Variants in PAX6 observed in about 807,000 individuals in gnomAD.
The protein encoded by PAX6 is paired box 6.
In PAX6, 7 loss-of-function variants were observed where a neutral mutation model predicts 60.7. The observed-to-expected ratio is 0.12, with a 90% confidence interval of 0.07 to 0.22. The LOEUF (loss-of-function observed/expected upper bound fraction) is 0.22. PAX6 is among the 10% of genes least tolerant of loss of function. The pLI, the probability that PAX6 is intolerant of heterozygous loss-of-function variation, is 1.00. For missense variants in PAX6, 355 were observed against 555.2 expected (o/e 0.64, Z 3.62); for synonymous variants, 208 against 201.2 (o/e 1.03, Z -0.29).
rs749305106 is a variant in PAX6, at chr11:31,789,823, G to A, written c.*111C>T. 6.8e-5 allele frequency: 64 copies of A among 937,066 alleles called. 1 individual carries two copies. Among genetic ancestry groups the A allele is most frequent in the Non-Finnish European group, 9.5e-5 (56 of 588,296 alleles). The allele number at this position is 937,066 out of a possible 1,614,324, so 58.0% of individuals were successfully genotyped here. A position where few individuals can be genotyped will look rare whatever the true frequency, so the allele number is the denominator to read the frequency against. On this transcript the variant is annotated 3_prime_UTR_variant, in exon 14 of 14. Transcript: ENST00000640368. ...CAGGACACAATTGTAGAACTGAAGC[G>A]GCTCTAACAGCCATTTTTCTTTCTT...
chr11:31,807,910 A>G (rs747280506), intron 2 of PAX6: 18 of 131,144 alleles, frequency 1.4e-4, no homozygotes, highest in Admixed American at 2.9e-4. Context: ...TTCCCAAAGG[A>G]AAAAAAAAAA....
At chr11:31,790,113 A>AAC (rs1592354691) in intron 13 of PAX6, 94 bp from the exon 14 acceptor site, 1 of 793,464 alleles carries the variant, frequency 1.3e-6, no homozygotes, top group African/African-American at 1.8e-5. Flanking sequence ...AAAAAAAAAA[A>AAC]AAAAAAACTA....
intron 9 of PAX6, 169 bp downstream of exon 9, chr11:31,794,461 C>CTGA: frequency 3.0e-6 from 1 of 336,530 alleles, no homozygotes; most frequent in Non-Finnish European, 5.5e-6. Flanking sequence ...CACACACACA[C>CTGA]ACACACACAC....
intron 1 of PAX6, among the ~76,000 whole-genome samples, chr11:31,816,879 T>C (rs542699892): frequency 9.2e-5 from 14 of 152,350 alleles, no homozygotes; most frequent in African/African-American, 3.1e-4. Flanking sequence ...GGTTCTTGGG[T>C]GCCCCGCCTA....
At chr11:31,790,258 A>T in intron 13 of PAX6, 1 of 531,570 alleles carries the variant, frequency 1.9e-6, no homozygotes, top group Admixed American at 4.2e-5. Flanking sequence ...TCCAAAGGAA[A>T]AGAAAAAAAA....
rs1392941921 is a variant in PAX6 at position 31,790,321 on chromosome 11, A to G, written c.1226-302T>C. On this transcript the variant is annotated intron_variant, in intron 13 of 13. Coordinates refer to ENST00000640368, the MANE Select transcript of PAX6 (RefSeq NM_001368894.2). The stretch of plus-strand genomic sequence containing the variant: ...ACTTTTACAATAAAGCTGTCTCTGG[A>G]AAACCAATGTGTCACTTTTTATTTC... 8.8e-6 allele frequency: 6 copies of G among 681,462 alleles called. No individual in the cohort carries two copies. In the East Asian group the frequency reaches 2.2e-4, roughly 25 times the overall value. The allele number at this position is 681,462 out of a possible 1,614,324, so 42.2% of individuals were successfully genotyped here. A position where few individuals can be genotyped will look rare whatever the true frequency, so the allele number is the denominator to read the frequency against.
At chr11:31,795,032 A>G (rs1234217492) in intron 8 of PAX6, among the ~76,000 whole-genome samples, 1 of 152,228 alleles carries the variant, frequency 6.6e-6, no homozygotes, top group East Asian at 1.9e-4. Context: ...CATTTCTTGA[A>G]TGAAAAAATA....
upstream of PAX6, chr11:31,814,190 C>G (rs987458406): frequency 4.1e-4 from 62 of 152,290 alleles, no homozygotes; most frequent in African/African-American, 1.5e-3. Flanking sequence ...GGTGCGTTCC[C>G]GCGGGGGCCG....
chr11:31,816,365 A>G, intron 1 of PAX6: 1 of 582,252 alleles, frequency 1.7e-6, no homozygotes, highest in Middle Eastern at 4.5e-4. Flanking sequence ...CACGAAGGGC[A>G]CGGGCATGAG....
In PAX6 at chr11:31,790,054, T is replaced by G. The variant is rs766789287; in HGVS notation, c.1226-35A>C. Reference sequence around the variant, plus strand: ...GATGAAAGAAATAGCCATGTAGATATTCCCTTTGAGAAACAGACATGGAAT... The same window carrying G: ...GATGAAAGAAATAGCCATGTAGATAGTCCCTTTGAGAAACAGACATGGAAT... On this transcript the variant is annotated intron_variant, in intron 13 of 13. Transcript: ENST00000640368. 7.9e-6 allele frequency: 9 copies of G among 1,132,100 alleles called. No individual in the cohort carries two copies. The East Asian group carries it at 1.6e-4, about 20-fold the overall frequency. 70.1% of individuals were successfully genotyped at this position (1,132,100 alleles called of 1,614,324 possible).
At chr11:31,802,682 G>T (rs765921066) in intron 5 of PAX6, 22 bp downstream of exon 5, 1 of 1,604,740 alleles carries the variant, frequency 6.2e-7, no homozygotes, top group South Asian at 1.1e-5. Flanking sequence ...GGCGGCGAGT[G>T]GGGCGGCGCC....
chr11:31,816,856 A>G (rs972370801), intron 1 of PAX6, among the ~76,000 whole-genome samples: 38 of 152,332 alleles, frequency 2.5e-4, no homozygotes, highest in African/African-American at 9.1e-4. Context: ...GGCCGCCCCA[A>G]ACTCCCGGGC....
At chr11:31,795,259 C>G (rs1022019893) in intron 8 of PAX6, among the ~76,000 whole-genome samples, 7 of 152,186 alleles carry the variant, frequency 4.6e-5, no homozygotes, top group Non-Finnish European at 1.0e-4. Flanking sequence ...CCAAACCAAG[C>G]TTGTAATCTT....
At chr11:31,791,867 G>A (rs1388361239) in intron 12 of PAX6, 2 of 152,188 alleles carry the variant, frequency 1.3e-5, no homozygotes. Flanking sequence ...GAAGAGTAAA[G>A]TTATTGATCA....
At chr11:31,797,281 C>G (rs1565217109) in intron 8 of PAX6, among the ~76,000 whole-genome samples, 1 of 152,018 alleles carries the variant, frequency 6.6e-6, no homozygotes, top group African/African-American at 2.4e-5. Context: ...GAATCTGCCT[C>G]CGAAGAACCC....
At chr11:31,806,302 G>A in intron 4 of PAX6, 100 bp downstream of exon 4, 3 of 1,422,694 alleles carry the variant, frequency 2.1e-6, no homozygotes, top group Non-Finnish European at 2.9e-6. Context: ...GTCGGTCGGC[G>A]GCCGGGCCAG....
intron 8 of PAX6, 77 bp from the exon 9 acceptor site, chr11:31,794,865 A>C: frequency 5.2e-6 from 7 of 1,342,130 alleles, no homozygotes; most frequent in Non-Finnish European, 5.4e-6. Context: ...GTGTAGTCTT[A>C]AACTCCAAGA....
intron 9 of PAX6, 132 bp from the exon 10 acceptor site, chr11:31,794,246 T>C: frequency 1.3e-6 from 1 of 773,576 alleles, no homozygotes; most frequent in Admixed American, 1.8e-5. Context: ...ATGCTTCTAG[T>C]GTTGACTGTA....
intron 2 of PAX6, chr11:31,807,552 A>C (rs2135329348): frequency 1.3e-5 from 2 of 152,158 alleles, no homozygotes; most frequent in Middle Eastern, 6.8e-3. Flanking sequence ...TTTATCCCAA[A>C]CCTCACTTAT....
Sources: gnomAD v4.1 joint callset for allele counts (sites outside exome capture counted in the v4.1 genomes callset) on GRCh38, gnomAD v4.1.1 for gene constraint, MANE v1.5 for transcripts, NCBI Gene and HGNC (gene_info 2026-07-23, HGNC 2026-07-21) for gene names.